Variants in PRH1 observed in about 807,000 individuals in gnomAD.
The protein encoded by PRH1 is proline rich protein HaeIII subfamily 1.
In PRH1, 7 loss-of-function variants were observed where a neutral mutation model predicts 7.9. The observed-to-expected ratio is 0.89, with a 90% CI of 0.50 to 1.67. The LOEUF (loss-of-function observed/expected upper bound fraction) is 1.67, where lower values mean the gene tolerates loss of function less well. PRH1 is among the 40% of genes most tolerant of loss of function. The pLI is 0.00. For missense variants in PRH1, 109 were observed against 223.6 expected (o/e 0.49, Z 3.27); for synonymous variants, 45 against 80.8 (o/e 0.56, Z 2.38).
At chr12:10,900,259 A>G (rs1306726461) in intron 2 of PRH1, among the ~76,000 whole-genome samples, 3 of 152,154 alleles carry the variant, frequency 2.0e-5, no homozygotes, top group Non-Finnish European at 2.9e-5. Flanking sequence ...AGGGAAGAGT[A>G]CCTTGTTTCT....
intron 1 of PRH1, chr12:10,997,171 G>T (rs1191910264): frequency 9.9e-6 from 16 of 1,614,074 alleles, no homozygotes; most frequent in Non-Finnish European, 1.4e-5. Context: ...CAAGTAATAT[G>T]AGGAAGGAGG....
chr12:10,949,960 T>C lies in PRH1; in HGVS notation c.-59+23695A>G, dbSNP rs141866440. On this transcript the variant is annotated intron_variant, in intron 2 of 3. Transcript: ENST00000539853. ...GTATTAAAATATATTTTTGCAAACT[T>C]CATATAAATTGAATTATATTGAATA... 4.6e-3 allele frequency among the ~76,000 whole-genome samples: 701 copies of C among 152,302 alleles called. 6 individuals are homozygous for C. The highest frequency in any genetic ancestry group is 0.016 in the African/African-American group (675 of 41,574).
Position 11,147,185 on chromosome 12 carries a change from A to G in PRH1, n.39+24237T>C, listed in dbSNP as rs192920224. Reference sequence around the variant, plus strand: ...TACTCAGTTTATCTATGAACATGATACATCTCTTCATGTATTGTTTTTGAA... The same window carrying G: ...TACTCAGTTTATCTATGAACATGATGCATCTCTTCATGTATTGTTTTTGAA... On this transcript the variant is annotated intron_variant and non_coding_transcript_variant, in intron 1 of 1. Coordinates refer to the PRH1 transcript ENST00000541175. 1.2e-3 allele frequency among the ~76,000 whole-genome samples: 189 copies of G among 152,316 alleles called. 2 individuals carry two copies. Among genetic ancestry groups the G allele is most frequent in the Admixed American group, 5.4e-3 (82 of 15,290 alleles).
chr12:10,995,502 TTCTC>T (rs1229608058), intron 1 of PRH1, among the ~76,000 whole-genome samples: 2 of 152,202 alleles, frequency 1.3e-5, no homozygotes, highest in Non-Finnish European at 2.9e-5. Flanking sequence ...TCAACACACT[TTCTC>T]TCATTTCATT....
intron 2 of PRH1, chr12:10,973,205 A>C (rs1441520317): frequency 6.6e-6 from 1 of 152,208 alleles, no homozygotes; most frequent in African/African-American, 2.4e-5. Flanking sequence ...TTGAGCACTT[A>C]AAAAACATGT....
At chr12:11,151,315 TG>T (rs1174534579) in intron 1 of PRH1, among the ~76,000 whole-genome samples, 1 of 151,994 alleles carries the variant, frequency 6.6e-6, no homozygotes, top group Non-Finnish European at 1.5e-5. Context: ...CCATAAGTGC[TG>T]TTGCTGCTCT....
intron 1 of PRH1, among the ~76,000 whole-genome samples, chr12:10,975,381 T>C (rs1246659733): frequency 6.6e-6 from 1 of 152,160 alleles, no homozygotes; most frequent in Non-Finnish European, 1.5e-5. Context: ...TGCTAAGGGA[T>C]TTCATTACCA....
At chr12:10,978,215 A>G (rs1464323494) in intron 1 of PRH1, among the ~76,000 whole-genome samples, 4 of 152,216 alleles carry the variant, frequency 2.6e-5, no homozygotes, top group Admixed American at 6.5e-5. Flanking sequence ...GTACAAAAAC[A>G]GGCACATAGA....
chr12:10,889,746 C>A (rs559846414), intron 2 of PRH1, among the ~76,000 whole-genome samples: 6 of 152,050 alleles, frequency 3.9e-5, no homozygotes, highest in South Asian at 2.1e-4. Context: ...TTCTATTGAT[C>A]CAACCTCAAG....
chr12:11,038,041 C>G lies in PRH1; in HGVS notation c.-126+8979G>C, dbSNP rs1164126077. On this transcript the variant is annotated intron_variant, in intron 1 of 3. Transcript: ENST00000539853. ...TGGGCAACAGAGTGAGACGCTGTCT[C>G]AAAATAAAAAAAGAAAAGTTTTAAA... Among the ~76,000 whole-genome samples, 4 of 152,240 alleles carry G rather than the reference C, an allele frequency of 2.6e-5. No homozygotes were observed. The East Asian group carries it at 7.7e-4, about 29-fold the overall frequency.
In PRH1 at chr12:11,171,318, C is replaced by G. The variant is rs1047420616; in HGVS notation, n.39+104G>C. On this transcript the variant is annotated intron_variant and non_coding_transcript_variant, in intron 1 of 1. Transcript: ENST00000541175. ...GGAGGTCCGCGGGCCCTGCGGCAACCCTCGCTACAGACGCTGGGCGGGCGG... is the reference window on the plus strand; with the variant it reads ...GGAGGTCCGCGGGCCCTGCGGCAACGCTCGCTACAGACGCTGGGCGGGCGG... The G allele has an allele frequency of 3.3e-6, 4 of 1,213,496 alleles. No homozygotes were observed. The African/African-American group carries it at 6.2e-5, about 19-fold the overall frequency. The allele number at this position is 1,213,496 out of a possible 1,614,324, so 75.2% of individuals were successfully genotyped here.
intron 1 of PRH1, chr12:10,997,779 T>C: frequency 6.2e-7 from 1 of 1,613,878 alleles, no homozygotes; most frequent in Middle Eastern, 1.6e-4. Flanking sequence ...ACCCAGGCAA[T>C]GAAATTTATC....
At chr12:10,994,288 C>T (rs1352136776) in intron 1 of PRH1, among the ~76,000 whole-genome samples, 3 of 152,196 alleles carry the variant, frequency 2.0e-5, no homozygotes, top group African/African-American at 7.2e-5. Context: ...GAAAGCAGAA[C>T]AGCAGAGATG....
intron 1 of PRH1, among the ~76,000 whole-genome samples, chr12:11,139,437 C>G (rs1272555395): frequency 2.0e-5 from 3 of 152,130 alleles, no homozygotes; most frequent in Non-Finnish European, 4.4e-5. Context: ...GTTTCATCAC[C>G]AATGTAACAA....
At chr12:10,986,051 T>C (rs763724290) in intron 1 of PRH1, 10 of 1,613,952 alleles carry the variant, frequency 6.2e-6, no homozygotes, top group African/African-American at 1.3e-5. Context: ...ATGCAAGATA[T>C]ATGTTTCCAA....
At chr12:11,099,946 A>C (rs1326861645) in intron 1 of PRH1, among the ~76,000 whole-genome samples, 1 of 152,224 alleles carries the variant, frequency 6.6e-6, no homozygotes, top group Non-Finnish European at 1.5e-5. Context: ...AATCCTTTGG[A>C]GAGATCTGCG....
intron 1 of PRH1, among the ~76,000 whole-genome samples, chr12:11,068,525 G>A (rs1943920756): frequency 1.3e-5 from 2 of 152,118 alleles, no homozygotes; most frequent in South Asian, 4.1e-4. Context: ...CCATTTGGAG[G>A]TCTGAAAGAC....
At chr12:11,108,266 A>C (rs1351105889) in intron 1 of PRH1, among the ~76,000 whole-genome samples, 1 of 152,242 alleles carries the variant, frequency 6.6e-6, no homozygotes, top group Non-Finnish European at 1.5e-5. Context: ...AATAGTAAGG[A>C]GACAGAAAAC....
chr12:10,890,838 C>T (rs1565453268), intron 2 of PRH1, among the ~76,000 whole-genome samples: 1 of 144,890 alleles, frequency 6.9e-6, no homozygotes, highest in African/African-American at 2.5e-5. Flanking sequence ...GGAGGGTTGG[C>T]TTTTTTTTTT....
Sources: gnomAD v4.1 joint callset for allele counts (sites outside exome capture counted in the v4.1 genomes callset) on GRCh38, gnomAD v4.1.1 for gene constraint, MANE v1.5 for transcripts, NCBI Gene and HGNC (gene_info 2026-07-23, HGNC 2026-07-21) for gene names.